The following GRIN2D variants were observed in gnomAD, a reference collection of about 807,000 sequenced individuals.
GRIN2D encodes the protein glutamate ionotropic receptor NMDA type subunit 2D, also known as glutamate receptor ionotropic, NMDA 2D.
Under a neutral mutation model 103.2 loss-of-function variants are expected in GRIN2D, and 37 were observed. That is an observed-to-expected ratio of 0.36 (90% CI 0.28 to 0.47). GRIN2D has a LOEUF of 0.47. Ranked by LOEUF, GRIN2D falls within the 20% of genes least tolerant of loss-of-function variation. The probability of loss-of-function intolerance (pLI) is 1.00; values close to 1 mark genes in which losing one functional copy is unlikely to be tolerated. For synonymous variants in GRIN2D, 845 were observed against 885.6 expected, an observed-to-expected ratio of 0.95 and a Z score of 0.81; for missense variants, 1,557 against 1,910.6, an observed-to-expected ratio of 0.81 and a Z score of 3.45.
chr19:48,438,534 G>A (rs960484081), intron 11 of GRIN2D, among the ~76,000 whole-genome samples: 2 of 151,720 alleles, frequency 1.3e-5, no homozygotes, highest in Admixed American at 6.6e-5. Context: ...TCCTGACCTC[G>A]TGATCCGCCT....
At chr19:48,406,822 C>A (rs1057030547) in intron 4 of GRIN2D, among the ~76,000 whole-genome samples, 1 of 152,094 alleles carries the variant, frequency 6.6e-6, no homozygotes, top group Non-Finnish European at 1.5e-5. Flanking sequence ...ATGCATGAAG[C>A]AGAGTCTCAC....
chr19:48,402,965 G>A (rs1259999216), intron 3 of GRIN2D, among the ~76,000 whole-genome samples: 5 of 151,944 alleles, frequency 3.3e-5, no homozygotes, highest in African/African-American at 4.8e-5. Context: ...TTGGGAAGCC[G>A]AGGCAGGCAG....
intron 11 of GRIN2D, among the ~76,000 whole-genome samples, chr19:48,427,480 T>C (rs866972563): frequency 0.067 from 8,349 of 123,962 alleles, 213 homozygotes; most frequent in African/African-American, 0.13. Context: ...TTCTTTTTTT[T>C]TTTTTTTTTT....
At position 48,398,450 on chromosome 19, in the gene GRIN2D, C is replaced by G. The variant is rs1264683401; in HGVS notation, c.58C>G (p.Leu20Val). ...GGGCCCCGCTAAGATGCTGCTGCTG[C>G]TGGCGCTGGCCTGCGCCAGCCCGTT... is the stretch of plus-strand genomic sequence containing the variant. ...PRGPAKMLLL[L>V]ALACASPFPE... Residue 20 changes from leucine (L) to valine (V), a missense_variant, in exon 3 of 14, where the codon CTG becomes GTG. Physicochemically the swap from Leu to Val is conservative, Grantham distance 32. Around this residue, in one of 7 missense-constraint regions of GRIN2D, gnomAD observed 490 missense variants for 601.1 expected, o/e 0.82. Coordinates refer to ENST00000263269, the MANE Select transcript of GRIN2D (RefSeq NM_000836.4). 15 of 1,098,304 alleles carry G rather than the reference C, an allele frequency of 1.4e-5. No individual in the cohort carries two copies. Among genetic ancestry groups the G allele is most frequent in the Non-Finnish European group, 1.4e-5 (13 of 903,438 alleles). 68.0% of individuals were successfully genotyped at this position (1,098,304 alleles called of 1,614,324 possible).
intron 11 of GRIN2D, among the ~76,000 whole-genome samples, chr19:48,424,899 TACTC>T (rs1971069433): frequency 6.6e-6 from 1 of 152,136 alleles, no homozygotes; most frequent in Non-Finnish European, 1.5e-5. Flanking sequence ...TTCACTTCCT[TACTC>T]ACCCAGAGCA....
chr19:48,426,837 G>A (rs927447378), intron 11 of GRIN2D, among the ~76,000 whole-genome samples: 10 of 151,576 alleles, frequency 6.6e-5, no homozygotes, highest in Non-Finnish European at 1.2e-4. Flanking sequence ...TGCCCACCTC[G>A]GACTCCCAAA....
Position 48,395,518 on chromosome 19 carries a change from G to T in GRIN2D, c.-27+582G>T, listed in dbSNP as rs559994592. ...TTGTGTGTGTGTGTTGGGAGGTGAG[G>T]GGGGAGGAAACGGGATGCCGTCTGC... is the stretch of plus-strand genomic sequence containing the variant. On this transcript the variant is annotated intron_variant, in intron 2 of 13. Coordinates refer to ENST00000263269, the MANE Select transcript of GRIN2D (RefSeq NM_000836.4). Among the ~76,000 whole-genome samples, 15 of 152,124 alleles carry T rather than the reference G, an allele frequency of 9.9e-5. No homozygotes were observed. In the South Asian group the frequency reaches 3.1e-3, roughly 32 times the overall value.
chr19:48,440,580 G>A (rs143470514), intron 11 of GRIN2D, among the ~76,000 whole-genome samples: 29 of 152,278 alleles, frequency 1.9e-4, no homozygotes, highest in Non-Finnish European at 3.5e-4. Context: ...GCAACATAGT[G>A]AGACCTCGTC....
chr19:48,429,958 C>T (rs920083880), intron 11 of GRIN2D, among the ~76,000 whole-genome samples: 1 of 152,110 alleles, frequency 6.6e-6, no homozygotes, highest in African/African-American at 2.4e-5. Context: ...TGATTTATCT[C>T]CCTATCTCTA....
At position 48,416,040 on chromosome 19, in the gene GRIN2D, C is replaced by T; in HGVS notation, c.1620C>T (p.Leu540=). 6.2e-7 allele frequency: 1 copy of T among 1,613,986 alleles called. No individual in the cohort carries two copies. The highest frequency in any genetic ancestry group is 8.5e-7 in the Non-Finnish European group (1 of 1,179,918). Residue 540 remains leucine (L), a synonymous_variant, in exon 8 of 14, where the codon CTC becomes CTT. Transcript: ENST00000263269. ...GCGCAGACATGGCCATCGGCTCCCT[C>T]ACCATCAACGAGGAGCGCTCCGAGA... ...YQRADMAIGS[L]TINEERSEIV...
chr19:48,416,120 G>T lies in GRIN2D; in HGVS notation c.1700G>T (p.Arg567Leu). The change falls in exon 8 of 14, where the codon CGC becomes CTC. Residue 567 changes from arginine (R) to leucine (L), a missense_variant. Around this residue, in one of 7 missense-constraint regions of GRIN2D, gnomAD observed 197 missense variants for 334.1 expected, o/e 0.59. Coordinates refer to ENST00000263269, the MANE Select transcript of GRIN2D (RefSeq NM_000836.4). ...VETGISVMVA[R>L]SNGTVSPSAF... ...ACCGGCATCAGCGTCATGGTGGCGCGCAGCAATGGCACGGTGTCCCCCTCG... is the reference window on the plus strand; with the variant it reads ...ACCGGCATCAGCGTCATGGTGGCGCTCAGCAATGGCACGGTGTCCCCCTCG... 1 of 1,613,908 alleles carries T rather than the reference G, an allele frequency of 6.2e-7. No homozygotes were observed. The highest frequency in any genetic ancestry group is 8.5e-7 in the Non-Finnish European group (1 of 1,179,968).
intron 4 of GRIN2D, among the ~76,000 whole-genome samples, chr19:48,410,717 G>A (rs1175878225): frequency 6.6e-6 from 1 of 151,906 alleles, no homozygotes; most frequent in Non-Finnish European, 1.5e-5. Flanking sequence ...GGAACAGACT[G>A]GAGTAGAGAG....
chr19:48,397,742 T>C (rs761270007), intron 2 of GRIN2D, among the ~76,000 whole-genome samples: 17 of 150,194 alleles, frequency 1.1e-4, no homozygotes, highest in Non-Finnish European at 2.1e-4. Flanking sequence ...TCTCTCTCCT[T>C]CTTCCTGCCG....
rs544945582 is a variant in GRIN2D, at chr19:48,399,888, G to C, written c.465+1031G>C. On this transcript the variant is annotated intron_variant, in intron 3 of 13. Coordinates refer to ENST00000263269, the MANE Select transcript of GRIN2D (RefSeq NM_000836.4). ...GCGGGGCTAGCCAGTTGGGGGCGGG[G>C]CCAGCGAGGGGCGGGGCCTAAGCAC... Among the ~76,000 whole-genome samples the C allele has an allele frequency of 3.9e-4, 54 of 138,548 alleles. 1 individual carries two copies. The highest frequency in any genetic ancestry group is 1.1e-3 in the African/African-American group (43 of 38,020). 90.9% of individuals were successfully genotyped at this position (138,548 alleles called of 152,430 possible).
chr19:48,426,193 C>T (rs1000729877), intron 11 of GRIN2D, among the ~76,000 whole-genome samples: 20 of 141,714 alleles, frequency 1.4e-4, no homozygotes, highest in Non-Finnish European at 2.6e-4. Flanking sequence ...TTTTTCTTTT[C>T]TCTTCTTTCT....
At chr19:48,412,414 GAGAAAGAAA>G (rs1191558957) in intron 4 of GRIN2D, among the ~76,000 whole-genome samples, 13 of 115,828 alleles carry the variant, frequency 1.1e-4, no homozygotes, top group African/African-American at 4.1e-4. Flanking sequence ...AAGAAAGAAA[GAGAAAGAAA>G]AGAAAGAAAG....
At chr19:48,401,873 G>A (rs1465536614) in intron 3 of GRIN2D, among the ~76,000 whole-genome samples, 1 of 152,220 alleles carries the variant, frequency 6.6e-6, no homozygotes, top group Non-Finnish European at 1.5e-5. Context: ...GGCCAAGGCG[G>A]GTGGATCACT....
At chr19:48,424,301 C>T (rs1165502854) in intron 11 of GRIN2D, among the ~76,000 whole-genome samples, 9 of 140,918 alleles carry the variant, frequency 6.4e-5, no homozygotes, top group African/African-American at 1.1e-4. Context: ...GACAGAGTCT[C>T]GCTCTGTTGC....
chr19:48,438,004 T>C (rs368947307), intron 11 of GRIN2D, among the ~76,000 whole-genome samples: 4 of 55,504 alleles, frequency 7.2e-5, no homozygotes, highest in Admixed American at 4.0e-4. Context: ...CCCCTGAGTC[T>C]TTGCTTCAGC....
Sources: allele counts gnomAD v4.1 joint callset (sites outside exome capture counted in the v4.1 genomes callset), GRCh38; gene constraint gnomAD v4.1.1; regional missense constraint gnomAD v4.1.1; transcripts MANE v1.5; gene names NCBI Gene and HGNC (gene_info 2026-07-23, HGNC 2026-07-21).